The following RECQL5 variants were observed in gnomAD, a reference collection of about 807,000 sequenced individuals.
RECQL5 encodes the protein RecQ like helicase 5.
RECQL5 carries 88 observed loss-of-function variants against 103.4 expected under a neutral mutation model. The observed-to-expected ratio is 0.85, with a 90% CI of 0.72 to 1.02. The LOEUF is 1.02. Ranked by LOEUF, RECQL5 falls within the 50% of genes least tolerant of loss-of-function variation. The pLI is 0.00. For missense variants in RECQL5, 1,232 were observed against 1,284.3 expected (o/e 0.96, Z 0.62); for synonymous variants, 552 against 507.9 (o/e 1.09, Z -1.17).
chr17:75,629,047 C>CT lies in RECQL5; in HGVS notation c.2375dup (p.Val794GlyfsTer29), dbSNP rs758375547. The CT allele has an allele frequency of 1.9e-6, 3 of 1,601,090 alleles. No individual in the cohort carries two copies. Among genetic ancestry groups the CT allele is most frequent in the Non-Finnish European group, 2.6e-6 (3 of 1,173,646 alleles). On this transcript the variant is annotated frameshift_variant, in exon 16 of 20. Transcript: ENST00000317905. LOFTEE classifies it high-confidence loss of function. ...GGGCCATCGGGGGTCCCTGAACCCC[C>CT]TCACAGGAGGGGCAGGCACCTTCTG...
At position 75,644,793 on chromosome 17, in the gene RECQL5, C is replaced by T. The variant is rs545824829; in HGVS notation, c.1229+6393G>A. On this transcript the variant is annotated intron_variant, in intron 8 of 19. Transcript: ENST00000317905. ...GCAGTGAGCCAAGATCACACCACTG[C>T]ACTCCAGCCTGGGCTACAGAGTGAG... 2.7e-5 allele frequency among the ~76,000 whole-genome samples: 4 copies of T among 147,086 alleles called. No individual in the cohort carries two copies. The East Asian group carries it at 8.0e-4, about 29-fold the overall frequency.
intron 8 of RECQL5, chr17:75,647,596 G>A: frequency 6.5e-7 from 1 of 1,546,480 alleles, no homozygotes; most frequent in Non-Finnish European, 8.7e-7. Context: ...GATGGCAGCA[G>A]GGGAGGCGAG....
intron 8 of RECQL5, chr17:75,647,614 G>A (rs983007015): frequency 2.2e-5 from 34 of 1,530,802 alleles, no homozygotes; most frequent in Non-Finnish European, 3.0e-5. Context: ...GAGCTGACCT[G>A]CCCCCATTCC....
chr17:75,641,333 C>A (rs2059431507), intron 8 of RECQL5: 1 of 165,510 alleles, frequency 6.0e-6, no homozygotes, highest in African/African-American at 2.4e-5. Context: ...CGAGCTCCCG[C>A]CAGAGCGTGA....
chr17:75,656,901 C>T (rs2059629191), intron 7 of RECQL5, among the ~76,000 whole-genome samples: 1 of 152,054 alleles, frequency 6.6e-6, no homozygotes, highest in African/African-American at 2.4e-5. Context: ...CCCGCCACCA[C>T]GCCCGGCTAA....
chr17:75,632,180 C>T (rs573016069), intron 8 of RECQL5, among the ~76,000 whole-genome samples: 9 of 152,338 alleles, frequency 5.9e-5, no homozygotes, highest in East Asian at 1.9e-4. Context: ...TGGTCCCCTA[C>T]GATTCTAACA....
chr17:75,639,141 C>A (rs868035707), intron 8 of RECQL5: 1 of 152,320 alleles, frequency 6.6e-6, no homozygotes, highest in African/African-American at 2.4e-5. Context: ...GCCAAGGCAG[C>A]GGCACCGGGA....
chr17:75,659,266 T>C (rs1418863214), intron 6 of RECQL5, among the ~76,000 whole-genome samples: 1 of 152,176 alleles, frequency 6.6e-6, no homozygotes, highest in African/African-American at 2.4e-5. Flanking sequence ...TTCACCATGT[T>C]AGCCAGGATG....
At chr17:75,650,550 C>T (rs1409897304) in intron 8 of RECQL5, 60 of 1,519,428 alleles carry the variant, frequency 3.9e-5, no homozygotes, top group Middle Eastern at 3.4e-4. Flanking sequence ...CAGCGTCATC[C>T]GACAGGATCA....
At chr17:75,632,635 A>G (rs988380026) in intron 8 of RECQL5, among the ~76,000 whole-genome samples, 1 of 152,110 alleles carries the variant, frequency 6.6e-6, no homozygotes, top group African/African-American at 2.4e-5. Context: ...CCATGCTGGG[A>G]GCAGGGAGCA....
rs200560792 is a variant in RECQL5, at chr17:75,627,624, G to C, written c.2874C>G (p.Ser958Arg). ...GGCCCTGGCAATGCCAGCGCTCACCGCTCCTTCCAGGAGAGGTCTTCTGAG... is the reference window on the plus strand; with the variant it reads ...GGCCCTGGCAATGCCAGCGCTCACCCCTCCTTCCAGGAGAGGTCTTCTGAG... ...LLTQKTSPGR[S>R]VKEEAQNLIR... Residue 958 changes from serine to arginine, a missense_variant and splice_region_variant, in exon 19 of 20, where the codon AGC becomes AGG. Coordinates refer to ENST00000317905, the MANE Select transcript of RECQL5 (RefSeq NM_004259.7). The C allele has an allele frequency of 1.4e-4, 230 of 1,612,838 alleles. 2 individuals are homozygous for C. Among genetic ancestry groups the C allele is most frequent in the Middle Eastern group, 8.2e-4 (5 of 6,082 alleles).
rs773564371 is a variant in RECQL5, at chr17:75,665,102, C to T, written c.201G>A (p.Leu67=). ...CTACAATGGTGATGCCTTTGGCCAA[C>T]AGAGCAGGGAGCTGATAGCATAGGG... ...GKSLCYQLPA[L]LAKGITIVVS... Residue 67 remains leucine (L), a synonymous_variant, in exon 3 of 20, where the codon CTG becomes CTA. Coordinates refer to ENST00000317905, the MANE Select transcript of RECQL5 (RefSeq NM_004259.7). The T allele has an allele frequency of 1.9e-6, 3 of 1,612,374 alleles. No individual in the cohort carries two copies. Among genetic ancestry groups the T allele is most frequent in the Admixed American group, 1.7e-5 (1 of 59,756 alleles).
At chr17:75,644,828 C>A (rs867493418) in intron 8 of RECQL5, among the ~76,000 whole-genome samples, 1,838 of 135,836 alleles carry the variant, frequency 0.014, no homozygotes, top group Middle Eastern at 0.015. Flanking sequence ...GACTCTGCCT[C>A]AAAAAAAAAA....
At position 75,650,580 on chromosome 17, in the gene RECQL5, TCCAAGAGCTTTTTAGA is replaced by T; in HGVS notation, c.1229+590_1229+605del. The T allele has an allele frequency of 3.8e-6, 6 of 1,571,892 alleles. No homozygotes were observed. In the South Asian group the frequency reaches 7.0e-5, roughly 18 times the overall value. On this transcript the variant is annotated intron_variant, in intron 8 of 19. Coordinates refer to ENST00000317905, the MANE Select transcript of RECQL5 (RefSeq NM_004259.7). ...GGATCATTCCATGAGATGAGATGAA[TCCAAGAGCTTTTTAGA>T]CCAAAATGTAAAAACTCCTCCTGGG...
At chr17:75,644,483 TGTGG>T (rs1465044288) in intron 8 of RECQL5, among the ~76,000 whole-genome samples, 2 of 151,772 alleles carry the variant, frequency 1.3e-5, no homozygotes, top group African/African-American at 4.8e-5. Flanking sequence ...AGCATACACC[TGTGG>T]TCCCAGCTAC....
In RECQL5 at chr17:75,640,169, C is replaced by A; in HGVS notation, c.1230-8501G>T. The A allele has an allele frequency of 6.6e-7, 1 of 1,526,110 alleles. No individual in the cohort carries two copies. Among genetic ancestry groups the A allele is most frequent in the South Asian group, 1.2e-5 (1 of 81,312 alleles). The allele number at this position is 1,526,110 out of a possible 1,614,324, so 94.5% of individuals were successfully genotyped here. A position where few individuals can be genotyped will look rare whatever the true frequency, so the allele number is the denominator to read the frequency against. ...GGTGTTCTCTCTGCCCCAGCAGAGCCCGGCAGGAGCCCCAACAGGAAGCCA... is the reference window on the plus strand; with the variant it reads ...GGTGTTCTCTCTGCCCCAGCAGAGCACGGCAGGAGCCCCAACAGGAAGCCA... On this transcript the variant is annotated intron_variant, in intron 8 of 19. Transcript: ENST00000317905. The surrounding 1 kb of genome is among the most constrained non-coding windows in gnomAD (Gnocchi z 4.6).
chr17:75,651,141 T>C (rs1489772852), intron 8 of RECQL5, 45 bp downstream of exon 8: 4 of 1,614,010 alleles, frequency 2.5e-6, no homozygotes, highest in Admixed American at 3.3e-5. Context: ...GGGAAGTAAA[T>C]GATCTCACTG....
chr17:75,657,076 A>T (rs552343586), intron 7 of RECQL5, among the ~76,000 whole-genome samples: 2 of 152,238 alleles, frequency 1.3e-5, no homozygotes, highest in African/African-American at 2.4e-5. Context: ...GATTAGAAAT[A>T]AGTACTTATA....
intron 7 of RECQL5, among the ~76,000 whole-genome samples, chr17:75,655,077 C>T (rs2059599502): frequency 6.6e-6 from 1 of 152,190 alleles, no homozygotes; most frequent in Non-Finnish European, 1.5e-5. Context: ...AAGCATGAGC[C>T]ACCTCACCCA....
Sources: gnomAD v4.1 joint callset for allele counts (sites outside exome capture counted in the v4.1 genomes callset) on GRCh38, gnomAD v4.1.1 for gene constraint, Gnocchi (gnomAD v3.1) non-coding constraint, MANE v1.5 for transcripts, NCBI Gene and HGNC (gene_info 2026-07-23, HGNC 2026-07-21) for gene names.